The following SETDB2 variants were observed in gnomAD, a reference collection of about 807,000 sequenced individuals.
SETDB2 encodes histone-lysine N-methyltransferase SETDB2.
In SETDB2, 56 loss-of-function variants were observed where a neutral mutation model predicts 82.5. The ratio of observed to expected loss-of-function variants is 0.68; its 90% CI spans 0.55 to 0.85. SETDB2 has a LOEUF of 0.85. SETDB2 is among the 40% of genes least tolerant of loss of function. SETDB2 has a pLI of 0.00. For synonymous variants in SETDB2, 272 were observed against 284.9 expected, an observed-to-expected ratio of 0.95 and a Z score of 0.46; for missense variants, 677 against 816.4, an observed-to-expected ratio of 0.83 and a Z score of 2.08.
At chr13:49,454,919 G>A (rs542768429) in intron 2 of SETDB2, among the ~76,000 whole-genome samples, 3 of 151,948 alleles carry the variant, frequency 2.0e-5, no homozygotes, top group Non-Finnish European at 2.9e-5. Context: ...ATTTAAAACC[G>A]CAAAGAGCTT....
chr13:49,464,997 T>A (rs1958073116), intron 4 of SETDB2, among the ~76,000 whole-genome samples: 1 of 151,050 alleles, frequency 6.6e-6, no homozygotes, highest in African/African-American at 2.4e-5. Flanking sequence ...GCCCAGGAAA[T>A]CAAGTCTGCA....
intron 4 of SETDB2, among the ~76,000 whole-genome samples, chr13:49,463,148 G>T (rs923218428): frequency 1.3e-5 from 2 of 149,648 alleles, no homozygotes; most frequent in Non-Finnish European, 3.0e-5. Flanking sequence ...TGGGACTACG[G>T]GCGCATGCCG....
intron 6 of SETDB2, among the ~76,000 whole-genome samples, chr13:49,478,925 T>G (rs1043568482): frequency 3.3e-5 from 5 of 151,990 alleles, no homozygotes; most frequent in African/African-American, 9.7e-5. Flanking sequence ...AGACCCCTTC[T>G]CAAAAAAGAA....
At chr13:49,459,951 G>A in intron 2 of SETDB2, 156 bp from the exon 3 acceptor site, 2 of 628,040 alleles carry the variant, frequency 3.2e-6, no homozygotes, top group Non-Finnish European at 2.6e-6. Context: ...CTCTTTGTAA[G>A]GAAACATTAC....
chr13:49,480,306 T>C lies in SETDB2; in HGVS notation c.957T>C (p.Tyr319=), dbSNP rs1280226842. 1.2e-6 allele frequency: 2 copies of C among 1,608,890 alleles called. No homozygotes were observed. The highest frequency in any genetic ancestry group is 1.7e-6 in the Non-Finnish European group (2 of 1,178,086). The stretch of plus-strand genomic sequence containing the variant: ...ACAAAATAACCACTGGATATAAATA[T>C]AAAAGACTACAGAGACAGATTCCTA... ...SSDKITTGYK[Y]KRLQRQIPTG... is the part of the protein sequence containing the mutation. Residue 319 remains tyrosine, a synonymous_variant, in exon 7 of 14, where the codon TAT becomes TAC. Coordinates refer to ENST00000611815, the MANE Select transcript of SETDB2 (RefSeq NM_001160308.3).
At chr13:49,462,410 T>C (rs183437532) in intron 4 of SETDB2, among the ~76,000 whole-genome samples, 3 of 152,198 alleles carry the variant, frequency 2.0e-5, no homozygotes, top group African/African-American at 4.8e-5. Flanking sequence ...GAAGTTCTTA[T>C]GTCAGGAACT....
chr13:49,464,985 G>A (rs1163992299), intron 4 of SETDB2, among the ~76,000 whole-genome samples: 12 of 151,628 alleles, frequency 7.9e-5, no homozygotes, highest in Non-Finnish European at 1.8e-4. Context: ...AGGATCGCTC[G>A]AGCCCAGGAA....
At chr13:49,479,945 A>G (rs1306145421) in intron 6 of SETDB2, among the ~76,000 whole-genome samples, 2 of 152,214 alleles carry the variant, frequency 1.3e-5, no homozygotes, top group Admixed American at 6.5e-5. Flanking sequence ...GAACAGGGAA[A>G]TTAAAGGAAT....
intron 5 of SETDB2, among the ~76,000 whole-genome samples, chr13:49,475,238 C>T (rs753673637): frequency 7.2e-5 from 11 of 152,070 alleles, no homozygotes; most frequent in Non-Finnish European, 1.3e-4. Flanking sequence ...ACGAGAACAG[C>T]ACGGGAAAGA....
At position 49,460,222 on chromosome 13, in the gene SETDB2, C is replaced by G; in HGVS notation, c.132C>G (p.Ala44=). 1.4e-5 allele frequency: 23 copies of G among 1,612,550 alleles called. No homozygotes were observed. The highest frequency in any genetic ancestry group is 2.0e-5 in the Non-Finnish European group (23 of 1,179,420). ...SLKQKIKDGS[A]TNKEYIQAMI... ...AACAAAAGATCAAAGATGGGTCTGC[C>G]ACCAATAAAGGTATGAAGCAATAAA... The change falls in exon 3 of 14, where the codon GCC becomes GCG. Residue 44 remains alanine, a synonymous_variant. Coordinates refer to ENST00000611815, the MANE Select transcript of SETDB2 (RefSeq NM_001160308.3).
Position 49,480,254 on chromosome 13 carries a change from A to G in SETDB2, c.905A>G (p.Asn302Ser). Residue 302 changes from asparagine to serine, a missense_variant, in exon 7 of 14, where the codon AAT (asparagine) becomes AGT (serine). This residue lies in a region of SETDB2 where 420 missense variants were observed against 554.6 expected (regional missense o/e 0.76). Coordinates refer to ENST00000611815, the MANE Select transcript of SETDB2 (RefSeq NM_001160308.3). ...GCATGTCTTCAACTGACAGCAAGGA[A>G]TGCCAAAACTTCCCCCTTGTCAAGT... ...KCACLQLTAR[N>S]AKTSPLSSDK... The G allele has an allele frequency of 6.2e-7, 1 of 1,611,808 alleles. No homozygotes were observed. The highest frequency in any genetic ancestry group is 8.5e-7 in the Non-Finnish European group (1 of 1,179,286).
At chr13:49,470,435 T>G (rs1249538122) in intron 5 of SETDB2, among the ~76,000 whole-genome samples, 1 of 152,208 alleles carries the variant, frequency 6.6e-6, no homozygotes, top group Non-Finnish European at 1.5e-5. Context: ...GGCCAGAAGT[T>G]TATTTGCTTA....
In SETDB2 at chr13:49,492,240, A is replaced by C. The variant is rs1223116220; in HGVS notation, c.*391A>C. ...ATGCCCCCCCAAAGAGCTAAATTTC[A>C]CATTTTTACCTACAAAATTGATTTT... On this transcript the variant is annotated 3_prime_UTR_variant, in exon 14 of 14. Coordinates refer to ENST00000611815, the MANE Select transcript of SETDB2 (RefSeq NM_001160308.3). The C allele has an allele frequency of 6.4e-5, 11 of 171,906 alleles. 1 individual carries two copies. The East Asian group carries it at 1.8e-3, about 29-fold the overall frequency. The allele number at this position is 171,906 out of a possible 1,614,324, so 10.6% of individuals were successfully genotyped here.
chr13:49,456,711 CTA>C (rs1180204831), intron 2 of SETDB2, among the ~76,000 whole-genome samples: 1 of 152,156 alleles, frequency 6.6e-6, no homozygotes, highest in Non-Finnish European at 1.5e-5. Flanking sequence ...ATTGTAGTAA[CTA>C]TGTCTACAGT....
chr13:49,459,325 T>TA (rs1176179085), intron 2 of SETDB2, among the ~76,000 whole-genome samples: 1 of 152,236 alleles, frequency 6.6e-6, no homozygotes, highest in Non-Finnish European at 1.5e-5. Flanking sequence ...CTGGACTGTC[T>TA]ACTCATTAAT....
At chr13:49,485,949 T>A in intron 11 of SETDB2, 8 of 630,260 alleles carry the variant, frequency 1.3e-5, no homozygotes, top group Non-Finnish European at 2.3e-5. Context: ...TTTATGTTTT[T>A]AAATAGTTGA....
chr13:49,482,432 C>G (rs1256957671), intron 8 of SETDB2: 2 of 534,754 alleles, frequency 3.7e-6, no homozygotes, highest in African/African-American at 4.1e-5. Context: ...AGTCATCTCT[C>G]TAATTTTCTA....
chr13:49,445,135 AT>A (rs1045115290), intron 1 of SETDB2, among the ~76,000 whole-genome samples: 1 of 152,136 alleles, frequency 6.6e-6, no homozygotes, highest in African/African-American at 2.4e-5. Flanking sequence ...CTGGTTCCTT[AT>A]TTCGTGTCTG....
intron 6 of SETDB2, among the ~76,000 whole-genome samples, chr13:49,478,849 G>A (rs1958422837): frequency 6.6e-6 from 1 of 152,048 alleles, no homozygotes; most frequent in Non-Finnish European, 1.5e-5. Context: ...TCACCTGAGT[G>A]CAGGGAGGTC....
Sources: gnomAD v4.1 joint callset for allele counts (sites outside exome capture counted in the v4.1 genomes callset) on GRCh38, gnomAD v4.1.1 for gene constraint, gnomAD v4.1.1 regional missense constraint, MANE v1.5 for transcripts, NCBI Gene and HGNC (gene_info 2026-07-23, HGNC 2026-07-21) for gene names.